The following HDX variants were observed in gnomAD, a reference collection of about 807,000 sequenced individuals.
HDX encodes chromosome X open reading frame 43.
A neutral mutation model predicts 45.2 loss-of-function variants in HDX; 19 were observed. The observed-to-expected ratio is 0.42, with a 90% confidence interval of 0.29 to 0.62. The LOEUF (loss-of-function observed/expected upper bound fraction) is 0.62. Among genes scored for constraint, HDX ranks in the 20% least tolerant of loss-of-function variants. The probability of loss-of-function intolerance (pLI) is 0.20; values close to 1 mark genes in which losing one functional copy is unlikely to be tolerated. For synonymous variants in HDX, 188 were observed against 172.8 expected, an observed-to-expected ratio of 1.09 and a Z score of -0.69; for missense variants, 532 against 493.9, an observed-to-expected ratio of 1.08 and a Z score of -0.73.
chrX:84,432,423 A>G (rs1294828487), intron 5 of HDX, among the ~76,000 whole-genome samples: 3 of 112,071 alleles, frequency 2.7e-5, no homozygotes, highest in Non-Finnish European at 5.7e-5. Flanking sequence ...TGCTTTGGGC[A>G]GGTGGCCATT....
chrX:84,406,469 TACAC>T (rs369018765), intron 5 of HDX, among the ~76,000 whole-genome samples: 5,203 of 86,237 alleles, frequency 0.06, 319 homozygotes, highest in African/African-American at 0.19. Flanking sequence ...TAATCTCACA[TACAC>T]ACACACACAC....
chrX:84,490,162 G>A (rs185950563), intron 1 of HDX, among the ~76,000 whole-genome samples: 2 of 110,906 alleles, frequency 1.8e-5, no homozygotes, highest in South Asian at 3.8e-4. Context: ...GGCAATTTGT[G>A]TCCTCTCTCC....
intron 5 of HDX, among the ~76,000 whole-genome samples, chrX:84,378,852 A>G (rs1480595598): frequency 9.0e-6 from 1 of 111,440 alleles, no homozygotes; most frequent in Non-Finnish European, 1.9e-5. Context: ...ACAAAAACAC[A>G]TAGATGACTG....
chrX:84,360,704 A>G (rs757058376), intron 6 of HDX, among the ~76,000 whole-genome samples: 11 of 111,587 alleles, frequency 9.9e-5, no homozygotes, highest in East Asian at 2.8e-4. Context: ...TTCATTTAGC[A>G]TAATGTTTTT....
chrX:84,384,108 C>A (rs1233567865), intron 5 of HDX, among the ~76,000 whole-genome samples: 1 of 111,454 alleles, frequency 9.0e-6, no homozygotes, highest in African/African-American at 3.3e-5. Flanking sequence ...ACTCTTAGTT[C>A]TTTGAGAACT....
At chrX:84,442,645 G>C (rs1356880954) in intron 4 of HDX, among the ~76,000 whole-genome samples, 2 of 110,594 alleles carry the variant, frequency 1.8e-5, no homozygotes, top group African/African-American at 6.5e-5. Context: ...CCACCAATGT[G>C]TGTTAGGGTT....
intron 5 of HDX, among the ~76,000 whole-genome samples, chrX:84,436,840 T>C (rs1299120072): frequency 9.0e-6 from 1 of 111,300 alleles, no homozygotes; most frequent in Non-Finnish European, 1.9e-5. Flanking sequence ...GGATTTTTTT[T>C]TTTTTGTCCA....
At chrX:84,398,833 A>G (rs1398225573) in intron 5 of HDX, among the ~76,000 whole-genome samples, 1 of 111,709 alleles carries the variant, frequency 9.0e-6, no homozygotes. Context: ...CACTCCTCAA[A>G]AGATGCAAAA....
At position 84,490,525 on chromosome X, in the gene HDX, T is replaced by G. The variant is rs182866255; in HGVS notation, c.-109-2393A>C. 3.8e-3 allele frequency among the ~76,000 whole-genome samples: 421 copies of G among 111,539 alleles called. 1 individual carries two copies. The highest frequency in any genetic ancestry group is 6.6e-3 in the Non-Finnish European group (347 of 52,904). On this transcript the variant is annotated intron_variant, in intron 1 of 10. Transcript: ENST00000373177. ...TATAAATTAAAAGATCTTTCATTTGTACCCACATATTTACTATTTCCAGTA... is the reference window on the plus strand; with the variant it reads ...TATAAATTAAAAGATCTTTCATTTGGACCCACATATTTACTATTTCCAGTA...
intron 5 of HDX, among the ~76,000 whole-genome samples, chrX:84,422,430 A>G (rs1427996894): frequency 1.8e-5 from 2 of 110,937 alleles, no homozygotes; most frequent in African/African-American, 6.5e-5. Flanking sequence ...TCTTCAAACA[A>G]CCTAAAAATG....
At chrX:84,332,101 T>C (rs1958931578) in intron 9 of HDX, among the ~76,000 whole-genome samples, 1 of 111,810 alleles carries the variant, frequency 8.9e-6, no homozygotes, top group Non-Finnish European at 1.9e-5. Flanking sequence ...TAGAGCTTTT[T>C]AAAACCAACA....
At chrX:84,326,136 G>C (rs2036705550) in intron 10 of HDX, 42 bp downstream of exon 10, 1 of 1,173,764 alleles carries the variant, frequency 8.5e-7, no homozygotes, top group Non-Finnish European at 1.2e-6. Context: ...ACCATTTTTT[G>C]ACTTGATACA....
intron 5 of HDX, among the ~76,000 whole-genome samples, chrX:84,397,596 G>A (rs2038595530): frequency 9.0e-6 from 1 of 111,284 alleles, no homozygotes; most frequent in African/African-American, 3.3e-5. Context: ...CAGCTGAGGA[G>A]GCTGCCTTTC....
intron 6 of HDX, among the ~76,000 whole-genome samples, chrX:84,349,960 G>T (rs1223038775): frequency 9.1e-6 from 1 of 109,351 alleles, no homozygotes; most frequent in Non-Finnish European, 1.9e-5. Flanking sequence ...CACCTGTTGG[G>T]TACAATGTTC....
At chrX:84,490,890 C>A (rs1602556725) in intron 1 of HDX, among the ~76,000 whole-genome samples, 1 of 110,081 alleles carries the variant, frequency 9.1e-6, no homozygotes, top group Admixed American at 9.7e-5. Flanking sequence ...GCATTGTTTC[C>A]GTGAGATATA....
In HDX at chrX:84,364,491, C is replaced by CTT. The variant is rs1169466223; in HGVS notation, c.1306-2881_1306-2880dup. Among the ~76,000 whole-genome samples the CTT allele has an allele frequency of 3.2e-3, 153 of 48,242 alleles. 17 individuals carry two copies. Among genetic ancestry groups the CTT allele is most frequent in the African/African-American group, 0.012 (125 of 10,180 alleles). The allele number at this position is 48,242 out of a possible 115,157, so 41.9% of individuals were successfully genotyped here. On this transcript the variant is annotated intron_variant, in intron 5 of 10. Transcript: ENST00000373177. ...CAGCAGATCTCTAGAAGTTATTCAC[C>CTT]TTTTTTTTTTTTTTTTTTTTTTTTT...
At chrX:84,423,629 T>C (rs754475458) in intron 5 of HDX, among the ~76,000 whole-genome samples, 2 of 111,340 alleles carry the variant, frequency 1.8e-5, no homozygotes, top group South Asian at 7.6e-4. Flanking sequence ...CCAAGTGAGA[T>C]TTACCCCTAA....
intron 5 of HDX, among the ~76,000 whole-genome samples, chrX:84,373,010 T>C (rs2334214): frequency 0.11 from 12,093 of 111,489 alleles, 625 homozygotes; most frequent in East Asian, 0.26. Context: ...TGTCTAAATA[T>C]AGAAATATTT....
In HDX at chrX:84,421,064, G is replaced by A. The variant is rs138400439; in HGVS notation, c.1305+19468C>T. Reference sequence around the variant, plus strand: ...AAAACAAAAGGCATATTGATGAAGAGATAGTAATCATCTGAAGGTACATAA... The same window carrying A: ...AAAACAAAAGGCATATTGATGAAGAAATAGTAATCATCTGAAGGTACATAA... On this transcript the variant is annotated intron_variant, in intron 5 of 10. Coordinates refer to ENST00000373177, the MANE Select transcript of HDX (RefSeq NM_001177479.2). 2.6e-3 allele frequency among the ~76,000 whole-genome samples: 294 copies of A among 111,856 alleles called. 3 individuals carry two copies. The highest frequency in any genetic ancestry group is 9.1e-3 in the African/African-American group (281 of 30,802).
Sources: gnomAD v4.1 joint callset for allele counts (sites outside exome capture counted in the v4.1 genomes callset) on GRCh38, gnomAD v4.1.1 for gene constraint, MANE v1.5 for transcripts, NCBI Gene and HGNC (gene_info 2026-07-23, HGNC 2026-07-21) for gene names.